The following PCDHGB4 variants were observed in gnomAD, a reference collection of about 807,000 sequenced individuals.
PCDHGB4 encodes the protein protocadherin gamma-B4.
A neutral mutation model predicts 60.5 loss-of-function variants in PCDHGB4; 38 were observed. The observed-to-expected ratio is 0.63, with a 90% CI of 0.48 to 0.82. The LOEUF (loss-of-function observed/expected upper bound fraction) is 0.82, where lower values mean the gene tolerates loss of function less well. PCDHGB4 is among the 40% of genes least tolerant of loss of function. PCDHGB4 has a pLI of 0.00. For missense variants in PCDHGB4, 1,109 were observed against 1,209.6 expected (o/e 0.92, Z 1.23); for synonymous variants, 456 against 509.7 (o/e 0.89, Z 1.42).
chr5:141,477,287 G>T lies in PCDHGB4; in HGVS notation c.2398-17520G>T. ...CGAGAACGGGCTGGTGACCTGCGAA[G>T]TTCCACCGGGTCTCCCTTTCAGCCT... On this transcript the variant is annotated intron_variant, in intron 1 of 3. Coordinates refer to ENST00000519479, the MANE Select transcript of PCDHGB4 (RefSeq NM_003736.4). The surrounding 1 kb of genome is among the most constrained non-coding windows in gnomAD (Gnocchi z 4.9). The T allele has an allele frequency of 6.2e-7, 1 of 1,614,190 alleles. No homozygotes were observed.
rs186109113 is a variant in PCDHGB4, at chr5:141,415,284, G to C, written c.2397+25003G>C. ...TGTACCTGGTGGTAGCGGTGGCCGCGGTCTCCTGCGTCTTCCTGGCCTTCG... is the reference window on the plus strand; with the variant it reads ...TGTACCTGGTGGTAGCGGTGGCCGCCGTCTCCTGCGTCTTCCTGGCCTTCG... On this transcript the variant is annotated intron_variant, in intron 1 of 3. Transcript: ENST00000519479. 4,314 of 1,614,198 alleles carry C rather than the reference G, an allele frequency of 2.7e-3. 11 individuals are homozygous for C. The highest frequency in any genetic ancestry group is 7.3e-3 in the Middle Eastern group (44 of 6,062).
At chr5:141,430,846 C>A in intron 1 of PCDHGB4, 1 of 1,576,344 alleles carries the variant, frequency 6.3e-7, no homozygotes, top group South Asian at 1.2e-5. Context: ...CCGGATGCAC[C>A]CAGATACGCT....
At chr5:141,504,429 G>T (rs947508365) in intron 2 of PCDHGB4, among the ~76,000 whole-genome samples, 1 of 152,124 alleles carries the variant, frequency 6.6e-6, no homozygotes, top group Non-Finnish European at 1.5e-5. Context: ...CACTACAACA[G>T]CTGCAGTGTG....
chr5:141,413,816 T>A (rs1422730893), intron 1 of PCDHGB4: 1 of 1,613,128 alleles, frequency 6.2e-7, no homozygotes, highest in Non-Finnish European at 8.5e-7. Flanking sequence ...ATTCACCACC[T>A]GGTCCTCACC....
chr5:141,481,208 A>G lies in PCDHGB4; in HGVS notation c.2398-13599A>G, dbSNP rs116577118. On this transcript the variant is annotated intron_variant, in intron 1 of 3. Coordinates refer to ENST00000519479, the MANE Select transcript of PCDHGB4 (RefSeq NM_003736.4). ...GCCAGGCCCAATTTTTTTAAAAAACATGGTAAGGTCTCCCAGCCTTAAAGT... is the reference window on the plus strand; with the variant it reads ...GCCAGGCCCAATTTTTTTAAAAAACGTGGTAAGGTCTCCCAGCCTTAAAGT... 3.5e-3 allele frequency among the ~76,000 whole-genome samples: 528 copies of G among 152,350 alleles called. 2 individuals carry two copies. Among genetic ancestry groups the G allele is most frequent in the African/African-American group, 0.012 (490 of 41,572 alleles).
chr5:141,500,062 TAA>T (rs1314388217), intron 2 of PCDHGB4, among the ~76,000 whole-genome samples: 1 of 152,144 alleles, frequency 6.6e-6, no homozygotes, highest in East Asian at 1.9e-4. Flanking sequence ...TCTTTTAATG[TAA>T]AAGACTTCCC....
intron 1 of PCDHGB4, chr5:141,420,199 C>G (rs764130526): frequency 6.2e-7 from 1 of 1,613,362 alleles, no homozygotes; most frequent in Non-Finnish European, 8.5e-7. Flanking sequence ...CACAAGATAA[C>G]CTCAACAAAG....
chr5:141,483,660 G>GTCTGTA (rs2099584988), intron 1 of PCDHGB4, among the ~76,000 whole-genome samples: 1 of 152,094 alleles, frequency 6.6e-6, no homozygotes, highest in Non-Finnish European at 1.5e-5. Context: ...GTGTGTGTGT[G>GTCTGTA]TGTGTGTGTA....
chr5:141,489,707 G>A lies in PCDHGB4; in HGVS notation c.2398-5100G>A. 6.2e-7 allele frequency: 1 copy of A among 1,614,194 alleles called. No individual in the cohort carries two copies. Among genetic ancestry groups the A allele is most frequent in the Non-Finnish European group, 8.5e-7 (1 of 1,180,022 alleles). The stretch of plus-strand genomic sequence containing the variant: ...TCTGGGGCACGATTCCCACTGGACA[G>A]TGCCCAGGATCCGGATGTGGGCACC... On this transcript the variant is annotated intron_variant, in intron 1 of 3. Transcript: ENST00000519479. The surrounding 1 kb of genome is among the most constrained non-coding windows in gnomAD (Gnocchi z 4.5).
chr5:141,419,763 A>T, intron 1 of PCDHGB4: 1 of 1,614,014 alleles, frequency 6.2e-7, no homozygotes, highest in South Asian at 1.1e-5. Flanking sequence ...TTGGGTGACA[A>T]GGACTCGGTC....
At chr5:141,404,289 A>T in intron 1 of PCDHGB4, 1 of 1,614,006 alleles carries the variant, frequency 6.2e-7, no homozygotes. Context: ...ACTGACATCA[A>T]TGATAATCCA....
intron 1 of PCDHGB4, among the ~76,000 whole-genome samples, chr5:141,465,263 T>C (rs538393085): frequency 1.3e-5 from 2 of 152,326 alleles, no homozygotes; most frequent in African/African-American, 4.8e-5. Flanking sequence ...GCAATGATAC[T>C]AGCCATTTAG....
At chr5:141,418,844 A>G (rs781310201) in intron 1 of PCDHGB4, 2 of 1,613,936 alleles carry the variant, frequency 1.2e-6, no homozygotes, top group South Asian at 2.2e-5. Context: ...ATCTCTCTCA[A>G]CACGGTGTAA....
At chr5:141,505,505 G>A (rs2099846270) in intron 3 of PCDHGB4, 24 bp downstream of exon 3, 1 of 1,614,132 alleles carries the variant, frequency 6.2e-7, no homozygotes, top group Non-Finnish European at 8.5e-7. Flanking sequence ...GTGTGTGTAT[G>A]GAAGAGTGGG....
intron 1 of PCDHGB4, chr5:141,394,967 C>T: frequency 6.2e-7 from 1 of 1,613,950 alleles, no homozygotes; most frequent in Non-Finnish European, 8.5e-7. Flanking sequence ...GGCTGAGGCG[C>T]TGGCACAAGT....
intron 1 of PCDHGB4, chr5:141,433,097 G>C: frequency 6.2e-7 from 1 of 1,614,162 alleles, no homozygotes; most frequent in Non-Finnish European, 8.5e-7. Context: ...AGACATGCTC[G>C]TCAGCCAGGA....
chr5:141,473,148 C>T (rs1381616255), intron 1 of PCDHGB4, among the ~76,000 whole-genome samples: 1 of 152,184 alleles, frequency 6.6e-6, no homozygotes, highest in Non-Finnish European at 1.5e-5. Flanking sequence ...CTCTTCAGAT[C>T]ACTAGGGCTA....
Position 141,486,151 on chromosome 5 carries a change from T to C in PCDHGB4, c.2398-8656T>C, listed in dbSNP as rs570065848. The C allele has an allele frequency of 2.7e-5, 44 of 1,613,914 alleles. No individual in the cohort carries two copies. In the South Asian group the frequency reaches 4.3e-4, roughly 16 times the overall value. ...TTGATGTGCGGGCTCGCGATGGGGGTTCTCCAGCCATGGAGCAACATTGCA... is the reference window on the plus strand; with the variant it reads ...TTGATGTGCGGGCTCGCGATGGGGGCTCTCCAGCCATGGAGCAACATTGCA... On this transcript the variant is annotated intron_variant, in intron 1 of 3. Transcript: ENST00000519479. The surrounding 1 kb of genome is among the most constrained non-coding windows in gnomAD (Gnocchi z 5.0).
rs534304763 is a variant in PCDHGB4 at position 141,394,533 on chromosome 5, G to A, written c.2397+4252G>A. On this transcript the variant is annotated intron_variant, in intron 1 of 3. Transcript: ENST00000519479. The stretch of plus-strand genomic sequence containing the variant: ...CGCCCTCCCCACAGACGGTTCCACT[G>A]GCGTGGAGCTGGCGCCCCGCTCCGC... The A allele has an allele frequency of 2.1e-5, 34 of 1,614,210 alleles. 1 individual carries two copies. In the South Asian group the frequency reaches 3.0e-4, roughly 14 times the overall value.
Sources: allele counts gnomAD v4.1 joint callset (sites outside exome capture counted in the v4.1 genomes callset), GRCh38; gene constraint gnomAD v4.1.1; non-coding constraint Gnocchi (gnomAD v3.1); transcripts MANE v1.5; gene names NCBI Gene and HGNC (gene_info 2026-07-23, HGNC 2026-07-21).